CDYL2: variants seen among roughly 807,000 people sequenced by gnomAD.
The protein encoded by CDYL2 is chromodomain Y-like protein 2.
In CDYL2, 23 loss-of-function variants were observed where a neutral mutation model predicts 49.4. The ratio of observed to expected loss-of-function variants is 0.47; its 90% confidence interval spans 0.34 to 0.66. The LOEUF is 0.66. CDYL2 is among the 30% of genes least tolerant of loss of function. CDYL2 has a pLI of 0.01. For synonymous variants in CDYL2, 360 were observed against 268.8 expected (o/e 1.34, Z -3.32); for missense variants, 678 against 656.4 (o/e 1.03, Z -0.36).
intron 1 of CDYL2, among the ~76,000 whole-genome samples, chr16:80,739,800 A>C (rs1216493249): frequency 1.3e-5 from 2 of 152,176 alleles, no homozygotes; most frequent in East Asian, 3.9e-4. Context: ...CCAATCAGGG[A>C]AACTCCCCAA....
At chr16:80,703,850 G>C (rs922638888) in intron 1 of CDYL2, among the ~76,000 whole-genome samples, 97 of 152,254 alleles carry the variant, frequency 6.4e-4, no homozygotes, top group African/African-American at 2.2e-3. Context: ...AGCCTCACCT[G>C]CGGAGCCACG....
At position 80,804,259 on chromosome 16, in the gene CDYL2, G is replaced by C; in HGVS notation, c.-86C>G. ...TGTGCGCGCGGGGTCCGGTGTGCGC[G>C]TGTGTGTGCGCGCGTGTGTGTGCGA... is the stretch of plus-strand genomic sequence containing the variant. On this transcript the variant is annotated 5_prime_UTR_variant, in exon 1 of 7. Coordinates refer to ENST00000570137, the MANE Select transcript of CDYL2 (RefSeq NM_152342.4). The C allele has an allele frequency of 4.1e-6, 5 of 1,211,238 alleles. No homozygotes were observed. Among genetic ancestry groups the C allele is most frequent in the Non-Finnish European group, 5.4e-6 (5 of 918,758 alleles). 75.0% of individuals were successfully genotyped at this position (1,211,238 alleles called of 1,614,324 possible).
chr16:80,728,834 TC>T (rs1384097862), intron 1 of CDYL2, among the ~76,000 whole-genome samples: 29 of 151,754 alleles, frequency 1.9e-4, no homozygotes, highest in African/African-American at 7.0e-4. Flanking sequence ...ACCCAGAATT[TC>T]ATATCCAGCC....
intron 2 of CDYL2, among the ~76,000 whole-genome samples, chr16:80,671,926 C>T (rs375505603): frequency 1.3e-5 from 2 of 152,204 alleles, no homozygotes; most frequent in Admixed American, 6.5e-5. Context: ...AAATGTCCAA[C>T]AACAAGAGAC....
chr16:80,741,477 A>G (rs1380772091), intron 1 of CDYL2, among the ~76,000 whole-genome samples: 2 of 152,178 alleles, frequency 1.3e-5, no homozygotes, highest in Non-Finnish European at 2.9e-5. Context: ...TAGGTTTTAA[A>G]AAAACATTAT....
intron 2 of CDYL2, among the ~76,000 whole-genome samples, chr16:80,671,729 T>C (rs1255380199): frequency 6.6e-6 from 1 of 152,214 alleles, no homozygotes; most frequent in Non-Finnish European, 1.5e-5. Flanking sequence ...TTGTTCCCCT[T>C]AAACACACAC....
At position 80,612,599 on chromosome 16, in the gene CDYL2, C is replaced by A. The variant is rs138315376; in HGVS notation, c.1218+27G>T. The A allele has an allele frequency of 1.3e-6, 2 of 1,572,774 alleles. No homozygotes were observed. Among genetic ancestry groups the A allele is most frequent in the African/African-American group, 1.4e-5 (1 of 73,918 alleles). On this transcript the variant is annotated intron_variant, in intron 5 of 6. Transcript: ENST00000570137. The surrounding 1 kb of genome is among the most constrained non-coding windows in gnomAD (Gnocchi z 5.0). The stretch of plus-strand genomic sequence containing the variant: ...GCAGAGGAAGGATCCTGCTGGGACC[C>A]GAATCCAGGTATCACAGGAGGCTTA...
chr16:80,744,865 A>C (rs948863852), intron 1 of CDYL2, among the ~76,000 whole-genome samples: 5 of 152,094 alleles, frequency 3.3e-5, no homozygotes, highest in African/African-American at 1.2e-4. Flanking sequence ...ATCCCCACCC[A>C]CAGTCCTCCT....
chr16:80,651,015 A>C (rs1908560356), intron 2 of CDYL2, among the ~76,000 whole-genome samples: 2 of 152,006 alleles, frequency 1.3e-5, no homozygotes. Flanking sequence ...GTACAAAAAA[A>C]TAGAAACAAT....
chr16:80,671,427 C>T (rs917789990), intron 2 of CDYL2, among the ~76,000 whole-genome samples: 4 of 152,226 alleles, frequency 2.6e-5, no homozygotes, highest in African/African-American at 9.6e-5. Flanking sequence ...GCCACCCAGG[C>T]CCCTCCTGCA....
intron 2 of CDYL2, among the ~76,000 whole-genome samples, chr16:80,658,243 T>G (rs556788137): frequency 6.6e-6 from 1 of 152,156 alleles, no homozygotes; most frequent in South Asian, 2.1e-4. Flanking sequence ...TGTTTTAATT[T>G]TTGGAAGTAT....
chr16:80,600,136 G>A lies in CDYL2; in HGVS notation c.*4252C>T, dbSNP rs371907303. The A allele has an allele frequency of 1.3e-5, 2 of 152,080 alleles. No homozygotes were observed. Among genetic ancestry groups the A allele is most frequent in the South Asian group, 4.2e-4 (2 of 4,818 alleles). The allele number at this position is 152,080 out of a possible 1,614,324, so 9.4% of individuals were successfully genotyped here. On this transcript the variant is annotated 3_prime_UTR_variant, in exon 7 of 7. Coordinates refer to ENST00000570137, the MANE Select transcript of CDYL2 (RefSeq NM_152342.4). ...AGTTGAAAAATTTACTGATCCTAAT[G>A]GTAAGGCTTATTCACAAATTCAATA... is the stretch of plus-strand genomic sequence containing the variant.
Position 80,675,678 on chromosome 16 carries a change from C to T in CDYL2, c.616+8860G>A, listed in dbSNP as rs534049728. 3.3e-5 allele frequency among the ~76,000 whole-genome samples: 5 copies of T among 151,194 alleles called. No homozygotes were observed. The East Asian group carries it at 5.8e-4, about 18-fold the overall frequency. ...CTCAACAGGGAGAGCGGCTTTTCAC[C>T]GACATTAGGAGGTGAAGTTTTATTA... On this transcript the variant is annotated intron_variant, in intron 2 of 6. Transcript: ENST00000570137.
At chr16:80,647,879 G>C (rs1413130601) in intron 2 of CDYL2, among the ~76,000 whole-genome samples, 1 of 151,980 alleles carries the variant, frequency 6.6e-6, no homozygotes, top group Non-Finnish European at 1.5e-5. Context: ...AGGAATTTTA[G>C]AAACTATACA....
rs114582097 is a variant in CDYL2, at chr16:80,723,750, G to C, written c.25-38621C>G. Among the ~76,000 whole-genome samples, 1,515 of 152,278 alleles carry C rather than the reference G, an allele frequency of 9.9e-3. 32 individuals carry two copies. Among genetic ancestry groups the C allele is most frequent in the African/African-American group, 0.034 (1,422 of 41,544 alleles). On this transcript the variant is annotated intron_variant, in intron 1 of 6. Transcript: ENST00000570137. Reference sequence around the variant, plus strand: ...TCAAAACTGCAGAACATGAGTAGTGGTGACAGAGACCAAATGACCTGAAAA... The same window carrying C: ...TCAAAACTGCAGAACATGAGTAGTGCTGACAGAGACCAAATGACCTGAAAA...
At chr16:80,679,738 T>G in intron 2 of CDYL2, 1 of 456,130 alleles carries the variant, frequency 2.2e-6, no homozygotes, top group Non-Finnish European at 4.4e-6. Flanking sequence ...TACCACCACC[T>G]GGCAGGCACA....
At chr16:80,662,583 C>G (rs1361480979) in intron 2 of CDYL2, among the ~76,000 whole-genome samples, 1 of 152,138 alleles carries the variant, frequency 6.6e-6, no homozygotes, top group African/African-American at 2.4e-5. Flanking sequence ...TGGGCAGAAC[C>G]AGACATGGAT....
Position 80,684,551 on chromosome 16 carries a change from C to T in CDYL2, c.603G>A (p.Ala201=), listed in dbSNP as rs145169210. Residue 201 remains alanine, a synonymous_variant, in exon 2 of 7, where the codon GCG becomes GCA. Transcript: ENST00000570137. ...AAAGCTACAAACCGAGCCCGTTCTC[C>T]GCCAGTGTAGCGTGATTCACGTCAC... ...GECDVNHATL[A]ENGLGSALTN... 237 of 1,612,504 alleles carry T rather than the reference C, an allele frequency of 1.5e-4. No individual in the cohort carries two copies. Among genetic ancestry groups the T allele is most frequent in the Non-Finnish European group, 1.8e-4 (213 of 1,178,884 alleles).
chr16:80,679,771 C>T (rs375318760), intron 2 of CDYL2: 10 of 456,104 alleles, frequency 2.2e-5, no homozygotes, highest in Middle Eastern at 6.5e-4. Flanking sequence ...TTTTCATCTC[C>T]GCCATCTTGG....
Sources: allele counts gnomAD v4.1 joint callset (sites outside exome capture counted in the v4.1 genomes callset), GRCh38; gene constraint gnomAD v4.1.1; non-coding constraint Gnocchi (gnomAD v3.1); transcripts MANE v1.5; gene names NCBI Gene and HGNC (gene_info 2026-07-23, HGNC 2026-07-21).